CALCRL: variants seen among roughly 807,000 people sequenced by gnomAD.
CALCRL encodes calcitonin receptor like receptor, also known as calcitonin gene-related peptide type 1 receptor.
CALCRL carries 27 observed loss-of-function variants against 60.4 expected under a neutral mutation model. The observed-to-expected ratio is 0.45, with a 90% CI of 0.33 to 0.62. CALCRL has a LOEUF of 0.62. CALCRL is among the 20% of genes least tolerant of loss of function. The probability of loss-of-function intolerance (pLI) is 0.03; values close to 1 mark genes in which losing one functional copy is unlikely to be tolerated. For missense variants in CALCRL, 424 were observed against 540.7 expected, an observed-to-expected ratio of 0.78 and a Z score of 2.14; for synonymous variants, 190 against 182.6, an observed-to-expected ratio of 1.04 and a Z score of -0.33.
intron 1 of CALCRL, among the ~76,000 whole-genome samples, chr2:187,413,538 A>G (rs1425108500): frequency 6.6e-6 from 1 of 152,202 alleles, no homozygotes; most frequent in Non-Finnish European, 1.5e-5. Context: ...TTTACGTGTC[A>G]AAAAGACAAA....
At chr2:187,402,308 G>A (rs757973359) in intron 1 of CALCRL, among the ~76,000 whole-genome samples, 10 of 151,786 alleles carry the variant, frequency 6.6e-5, no homozygotes, top group Middle Eastern at 3.4e-3. Flanking sequence ...TGTAGGAGTA[G>A]AATGATATGT....
At chr2:187,383,534 G>T (rs1367326713) in intron 4 of CALCRL, among the ~76,000 whole-genome samples, 2 of 152,120 alleles carry the variant, frequency 1.3e-5, no homozygotes, top group Non-Finnish European at 2.9e-5. Context: ...CATTGGCAGA[G>T]TGGGAAACCA....
chr2:187,422,165 C>T (rs1302462361), intron 1 of CALCRL, among the ~76,000 whole-genome samples: 1 of 152,066 alleles, frequency 6.6e-6, no homozygotes, highest in Non-Finnish European at 1.5e-5. Context: ...GTTTTTATTA[C>T]TAAAATTCCA....
intron 1 of CALCRL, among the ~76,000 whole-genome samples, chr2:187,432,322 A>C (rs371464952): frequency 3.1e-4 from 47 of 152,256 alleles, no homozygotes; most frequent in African/African-American, 1.1e-3. Context: ...AATTTTAAGA[A>C]CTTGAAAAAT....
intron 1 of CALCRL, among the ~76,000 whole-genome samples, chr2:187,427,195 G>C (rs749395366): frequency 6.6e-6 from 1 of 152,164 alleles, no homozygotes; most frequent in African/African-American, 2.4e-5. Context: ...TTGTAGCTTC[G>C]AAGTTTTCTC....
At chr2:187,412,047 A>C (rs552383014) in intron 1 of CALCRL, among the ~76,000 whole-genome samples, 267 of 151,442 alleles carry the variant, frequency 1.8e-3, no homozygotes, top group African/African-American at 6.1e-3. Flanking sequence ...CTTTCTAACG[A>C]GAGGCATTAA....
At chr2:187,403,961 G>A (rs546177175) in intron 1 of CALCRL, among the ~76,000 whole-genome samples, 2 of 151,972 alleles carry the variant, frequency 1.3e-5, no homozygotes, top group South Asian at 2.1e-4. Context: ...AGAACAACAC[G>A]TTCCCTGTGA....
At chr2:187,371,760 G>A (rs1574239161) in intron 8 of CALCRL, among the ~76,000 whole-genome samples, 1 of 151,542 alleles carries the variant, frequency 6.6e-6, no homozygotes, top group Non-Finnish European at 1.5e-5. Flanking sequence ...AAGATTAATC[G>A]TGCACAATTT....
chr2:187,436,781 A>G (rs1301505537), intron 1 of CALCRL: 1 of 152,224 alleles, frequency 6.6e-6, no homozygotes, highest in African/African-American at 2.4e-5. Flanking sequence ...CTAACAAATT[A>G]TATAAATCTA....
At chr2:187,432,707 G>C (rs1478965924) in intron 1 of CALCRL, among the ~76,000 whole-genome samples, 1 of 151,982 alleles carries the variant, frequency 6.6e-6, no homozygotes, top group Non-Finnish European at 1.5e-5. Flanking sequence ...ATATTAATTA[G>C]ATGTGTATTT....
chr2:187,359,060 T>C lies in CALCRL; in HGVS notation c.909+3A>G, dbSNP rs746323902. 3.1e-6 allele frequency: 5 copies of C among 1,607,630 alleles called. No homozygotes were observed. The Admixed American group carries it at 8.3e-5, about 27-fold the overall frequency. ...GATAAGGAAAGGAGAATTTGTTACA[T>C]ACCAGTAAAGCAGCACAAATTGGGC... is the stretch of plus-strand genomic sequence containing the variant. On this transcript the variant is annotated splice_donor_region_variant and intron_variant, in intron 12 of 14. Coordinates refer to ENST00000392370, the MANE Select transcript of CALCRL (RefSeq NM_005795.6).
At chr2:187,441,313 A>G (rs1468132061) in intron 1 of CALCRL, among the ~76,000 whole-genome samples, 1 of 152,070 alleles carries the variant, frequency 6.6e-6, no homozygotes, top group Non-Finnish European at 1.5e-5. Flanking sequence ...AATTTTTCAG[A>G]CATTAAGAGA....
rs975428118 is a variant in CALCRL at position 187,343,054 on chromosome 2, TAAG to T, written c.*3127_*3129del. On this transcript the variant is annotated 3_prime_UTR_variant, in exon 15 of 15. Transcript: ENST00000392370. ...AGACATCCTTTTTCTTCTTTCAGCA[TAAG>T]AAGGAGTTTGCATCCATTGTAGTAT... is the stretch of plus-strand genomic sequence containing the variant. 6 of 151,546 alleles carry T rather than the reference TAAG, an allele frequency of 4.0e-5. No homozygotes were observed. Among genetic ancestry groups the T allele is most frequent in the Non-Finnish European group, 7.4e-5 (5 of 67,592 alleles). The allele number at this position is 151,546 out of a possible 1,614,324, so 9.4% of individuals were successfully genotyped here.
chr2:187,384,794 G>A (rs1206023879), intron 4 of CALCRL, among the ~76,000 whole-genome samples: 1 of 152,104 alleles, frequency 6.6e-6, no homozygotes, highest in East Asian at 1.9e-4. Context: ...AGGATTAGAT[G>A]AGAGTATGTC....
chr2:187,432,713 T>C (rs1690454115), intron 1 of CALCRL, among the ~76,000 whole-genome samples: 1 of 152,110 alleles, frequency 6.6e-6, no homozygotes, highest in Admixed American at 6.6e-5. Context: ...ATTAGATGTG[T>C]ATTTGTACAT....
intron 1 of CALCRL, among the ~76,000 whole-genome samples, chr2:187,399,201 T>A (rs1688777889): frequency 6.6e-6 from 1 of 151,582 alleles, no homozygotes; most frequent in Non-Finnish European, 1.5e-5. Flanking sequence ...AAGAAGAACA[T>A]CATCTTTTAC....
chr2:187,386,069 T>G (rs1430477855), intron 3 of CALCRL, among the ~76,000 whole-genome samples: 3 of 152,160 alleles, frequency 2.0e-5, no homozygotes, highest in African/African-American at 7.2e-5. Flanking sequence ...TGTCAAATGT[T>G]AAGGAGCTTA....
intron 8 of CALCRL, 41 bp from the exon 9 acceptor site, chr2:187,363,543 GT>G (rs936038114): frequency 3.3e-6 from 5 of 1,519,162 alleles, no homozygotes; most frequent in South Asian, 2.6e-5. Flanking sequence ...ATCATGAAAT[GT>G]TTTTTTATTA....
chr2:187,358,423 T>C lies in CALCRL; in HGVS notation c.909+640A>G, dbSNP rs572076760. Among the ~76,000 whole-genome samples, 39 of 152,232 alleles carry C rather than the reference T, an allele frequency of 2.6e-4. No homozygotes were observed. The South Asian group carries it at 7.3e-3, about 28-fold the overall frequency. ...AATGTGACTTCTGTTTTCCTGCAAT[T>C]ACACTAAAATGTCTAATTCATGCAC... On this transcript the variant is annotated intron_variant, in intron 12 of 14. Coordinates refer to ENST00000392370, the MANE Select transcript of CALCRL (RefSeq NM_005795.6).
Sources: gnomAD v4.1 joint callset for allele counts (sites outside exome capture counted in the v4.1 genomes callset) on GRCh38, gnomAD v4.1.1 for gene constraint, MANE v1.5 for transcripts, NCBI Gene and HGNC (gene_info 2026-07-23, HGNC 2026-07-21) for gene names.